Variants in CERS6 observed in about 807,000 individuals in gnomAD.
The protein encoded by CERS6 is LAG1 homolog, ceramide synthase 6.
In CERS6, 26 loss-of-function variants were observed where a neutral mutation model predicts 56.8. The ratio of observed to expected loss-of-function variants is 0.46; its 90% CI spans 0.34 to 0.63. CERS6 has a LOEUF of 0.63. Ranked by LOEUF, CERS6 falls within the 30% of genes least tolerant of loss-of-function variation. The pLI, the probability that CERS6 is intolerant of heterozygous loss-of-function variation, is 0.01. For synonymous variants in CERS6, 164 were observed against 173.3 expected (o/e 0.95, Z 0.42); for missense variants, 415 against 467.5 (o/e 0.89, Z 1.04).
chr2:168,617,525 T>C (rs141245869), intron 3 of CERS6, among the ~76,000 whole-genome samples: 2,621 of 151,972 alleles, frequency 0.017, 102 homozygotes, highest in East Asian at 0.16. Context: ...TCCAAATAAG[T>C]TCAATTAGAA....
intron 1 of CERS6, among the ~76,000 whole-genome samples, chr2:168,486,637 A>G (rs1574015468): frequency 6.6e-6 from 1 of 151,048 alleles, no homozygotes. Context: ...AGTTGACTGT[A>G]TTTGTGTGGG....
At chr2:168,531,532 CACTG>C (rs1409263381) in intron 1 of CERS6, among the ~76,000 whole-genome samples, 2 of 152,088 alleles carry the variant, frequency 1.3e-5, no homozygotes, top group East Asian at 1.9e-4. Flanking sequence ...CATTAAAAGT[CACTG>C]ACTGTCCGGG....
intron 1 of CERS6, among the ~76,000 whole-genome samples, chr2:168,523,452 C>A (rs1695018131): frequency 6.6e-6 from 1 of 151,992 alleles, no homozygotes; most frequent in African/African-American, 2.4e-5. Flanking sequence ...TCAGAATTAC[C>A]CTTCCTAAAT....
At chr2:168,529,883 C>T (rs964461158) in intron 1 of CERS6, among the ~76,000 whole-genome samples, 1 of 151,512 alleles carries the variant, frequency 6.6e-6, no homozygotes, top group African/African-American at 2.4e-5. Flanking sequence ...TGGAATCCCA[C>T]CCCCACCCCC....
chr2:168,651,262 C>T (rs1685333650), intron 4 of CERS6, among the ~76,000 whole-genome samples: 2 of 152,132 alleles, frequency 1.3e-5, no homozygotes, highest in Non-Finnish European at 2.9e-5. Context: ...AGCAGTTCCT[C>T]CTCCTTTTCT....
chr2:168,631,623 A>G (rs1410135488), intron 4 of CERS6, among the ~76,000 whole-genome samples: 2 of 115,568 alleles, frequency 1.7e-5, no homozygotes, highest in Non-Finnish European at 3.2e-5. Context: ...TTTAATATTT[A>G]TATAATATAT....
chr2:168,580,240 A>G (rs373419757), intron 3 of CERS6, among the ~76,000 whole-genome samples: 55 of 152,112 alleles, frequency 3.6e-4, no homozygotes, highest in African/African-American at 1.2e-3. Flanking sequence ...TCATTTTTAC[A>G]TGCTTTTACA....
At chr2:168,524,683 G>A (rs1695039433) in intron 1 of CERS6, among the ~76,000 whole-genome samples, 2 of 152,088 alleles carry the variant, frequency 1.3e-5, no homozygotes, top group South Asian at 2.1e-4. Context: ...AGCTCTGATC[G>A]TTGGTATTTG....
intron 1 of CERS6, among the ~76,000 whole-genome samples, chr2:168,543,467 T>TA (rs10653060): frequency 0.096 from 14,244 of 147,844 alleles, 754 homozygotes; most frequent in Middle Eastern, 0.2. Context: ...GAACTGGCAT[T>TA]AAAAAAAAAT....
chr2:168,464,437 A>C (rs1693834683), intron 1 of CERS6, among the ~76,000 whole-genome samples: 1 of 152,074 alleles, frequency 6.6e-6, no homozygotes, highest in East Asian at 1.9e-4. Flanking sequence ...CTGGGATTAG[A>C]GGCATAAGCC....
chr2:168,628,805 A>G (rs1402682067), intron 3 of CERS6, among the ~76,000 whole-genome samples: 1 of 151,142 alleles, frequency 6.6e-6, no homozygotes, highest in African/African-American at 2.5e-5. Flanking sequence ...CATTTTTTAC[A>G]TCTAATTTCA....
chr2:168,545,550 A>G (rs1288372851), intron 1 of CERS6, among the ~76,000 whole-genome samples: 1 of 152,104 alleles, frequency 6.6e-6, no homozygotes, highest in Non-Finnish European at 1.5e-5. Flanking sequence ...AGGAAGTTGA[A>G]GAGACAGTGT....
intron 1 of CERS6, among the ~76,000 whole-genome samples, chr2:168,460,455 C>A (rs549019454): frequency 6.6e-6 from 1 of 152,202 alleles, no homozygotes; most frequent in East Asian, 1.9e-4. Flanking sequence ...CCTTGGCCTC[C>A]CAAAGTGCTG....
chr2:168,614,321 C>CTG (rs1415459542), intron 3 of CERS6, among the ~76,000 whole-genome samples: 1 of 152,182 alleles, frequency 6.6e-6, no homozygotes, highest in Non-Finnish European at 1.5e-5. Context: ...GTATAAACAT[C>CTG]TGTGTCTACA....
At chr2:168,659,960 A>T (rs181036014) in intron 4 of CERS6, among the ~76,000 whole-genome samples, 1 of 152,266 alleles carries the variant, frequency 6.6e-6, no homozygotes, top group South Asian at 2.1e-4. Context: ...AGATTATTTT[A>T]TACTAAAGAG....
At chr2:168,563,151 A>C (rs1695822567) in intron 3 of CERS6, among the ~76,000 whole-genome samples, 1 of 152,178 alleles carries the variant, frequency 6.6e-6, no homozygotes, top group African/African-American at 2.4e-5. Flanking sequence ...AATCTGATGT[A>C]CTTAGTCTGG....
chr2:168,679,400 T>A (rs1458707449), intron 4 of CERS6, among the ~76,000 whole-genome samples: 3 of 152,214 alleles, frequency 2.0e-5, no homozygotes, highest in African/African-American at 7.2e-5. Context: ...TTATCCAATA[T>A]CTACACGTGT....
At chr2:168,607,327 T>TA (rs1461824690) in intron 3 of CERS6, among the ~76,000 whole-genome samples, 17 of 152,126 alleles carry the variant, frequency 1.1e-4, no homozygotes, top group Non-Finnish European at 2.5e-4. Flanking sequence ...CATTACTTTT[T>TA]AAAAAAACTC....
intron 1 of CERS6, among the ~76,000 whole-genome samples, chr2:168,515,461 A>C (rs951222526): frequency 6.6e-6 from 1 of 152,024 alleles, no homozygotes; most frequent in African/African-American, 2.4e-5. Context: ...AGAATCTTTG[A>C]GAACATTTGA....
Sources: gnomAD v4.1 joint callset for allele counts (sites outside exome capture counted in the v4.1 genomes callset) on GRCh38, gnomAD v4.1.1 for gene constraint, MANE v1.5 for transcripts, NCBI Gene and HGNC (gene_info 2026-07-23, HGNC 2026-07-21) for gene names.